The following OXR1 variants were observed in gnomAD, a reference collection of about 807,000 sequenced individuals.
OXR1 encodes oxidation resistance 1, also known as oxidation resistance protein 1.
A neutral mutation model predicts 104.6 loss-of-function variants in OXR1; 41 were observed. The observed-to-expected ratio is 0.39, with a 90% confidence interval of 0.31 to 0.51. The LOEUF is 0.51. OXR1 is among the 20% of genes least tolerant of loss of function. The probability of loss-of-function intolerance (pLI) is 0.77; values close to 1 mark genes in which losing one functional copy is unlikely to be tolerated. For synonymous variants in OXR1, 348 were observed against 348.4 expected, an observed-to-expected ratio of 1.00 and a Z score of 0.01; for missense variants, 955 against 1,031.9, an observed-to-expected ratio of 0.93 and a Z score of 1.02.
intron 15 of OXR1, among the ~76,000 whole-genome samples, chr8:106,744,702 A>AT (rs1835231875): frequency 6.6e-6 from 1 of 152,214 alleles, no homozygotes; most frequent in African/African-American, 2.4e-5. Flanking sequence ...GTATAAATGA[A>AT]TTTTAGTGAA....
chr8:106,568,255 A>T (rs961884021), intron 3 of OXR1, among the ~76,000 whole-genome samples: 3 of 152,162 alleles, frequency 2.0e-5, no homozygotes, highest in African/African-American at 7.2e-5. Flanking sequence ...ATTTGGAAAA[A>T]AATGGAGAAC....
At chr8:106,577,378 C>CTTTTTTT (rs5893798) in intron 3 of OXR1, among the ~76,000 whole-genome samples, 2 of 43,604 alleles carry the variant, frequency 4.6e-5, no homozygotes, top group African/African-American at 9.6e-5. Flanking sequence ...GCCCAGCTAA[C>CTTTTTTT]TTTTTTTTTT....
intron 2 of OXR1, among the ~76,000 whole-genome samples, chr8:106,482,684 A>C (rs1343335931): frequency 1.3e-5 from 2 of 152,076 alleles, no homozygotes; most frequent in African/African-American, 2.4e-5. Flanking sequence ...AGCATCAGAT[A>C]TCCATAGACT....
intron 2 of OXR1, among the ~76,000 whole-genome samples, chr8:106,493,431 C>T (rs971517065): frequency 2.6e-5 from 4 of 152,070 alleles, no homozygotes; most frequent in Non-Finnish European, 5.9e-5. Flanking sequence ...GGTCTATGGA[C>T]CATCTGAAAC....
intron 2 of OXR1, among the ~76,000 whole-genome samples, chr8:106,506,384 T>C (rs933611717): frequency 2.6e-5 from 4 of 152,172 alleles, no homozygotes; most frequent in South Asian, 2.1e-4. Flanking sequence ...GAGGCCAAGG[T>C]GGGCGGATCA....
At chr8:106,730,699 A>G (rs1272077011) in intron 11 of OXR1, among the ~76,000 whole-genome samples, 2 of 152,138 alleles carry the variant, frequency 1.3e-5, no homozygotes. Flanking sequence ...TTTTAGATGT[A>G]GATTTTGTGT....
intron 2 of OXR1, among the ~76,000 whole-genome samples, chr8:106,400,817 A>G (rs555344836): frequency 2.6e-5 from 4 of 152,278 alleles, no homozygotes; most frequent in East Asian, 3.9e-4. Context: ...AAATATCACA[A>G]TTCTGCTGGG....
At chr8:106,564,370 A>G (rs1051222789) in intron 3 of OXR1, among the ~76,000 whole-genome samples, 5 of 152,156 alleles carry the variant, frequency 3.3e-5, no homozygotes, top group African/African-American at 4.8e-5. Flanking sequence ...ACGCAAATAA[A>G]CTAGAAAATC....
chr8:106,436,842 G>C (rs951842908), intron 2 of OXR1, among the ~76,000 whole-genome samples: 2 of 152,110 alleles, frequency 1.3e-5, no homozygotes, highest in Non-Finnish European at 2.9e-5. Flanking sequence ...TTCTGGAATT[G>C]AGTGTCATTT....
chr8:106,751,600 A>G lies in OXR1; in HGVS notation c.*659A>G, dbSNP rs28924708. ...GTACATATGATCTGCAGGTTTGGGC[A>G]TATGCTTTCATCATTAAATTATCTG... On this transcript the variant is annotated 3_prime_UTR_variant, in exon 17 of 17. Coordinates refer to ENST00000517566, the MANE Select transcript of OXR1 (RefSeq NM_001198533.2). 2,626 of 152,690 alleles carry G rather than the reference A, an allele frequency of 0.017. 31 individuals are homozygous for G. The highest frequency in any genetic ancestry group is 0.039 in the East Asian group (202 of 5,182). 9.5% of individuals were successfully genotyped at this position (152,690 alleles called of 1,614,324 possible). A position where few individuals can be genotyped will look rare whatever the true frequency, so the allele number is the denominator to read the frequency against.
intron 2 of OXR1, among the ~76,000 whole-genome samples, chr8:106,413,554 T>A (rs1391737156): frequency 6.6e-6 from 1 of 152,126 alleles, no homozygotes; most frequent in African/African-American, 2.4e-5. Flanking sequence ...AGACTTTTAG[T>A]AGGTTAAGGG....
chr8:106,561,327 G>A (rs1235944911), intron 3 of OXR1, among the ~76,000 whole-genome samples: 1 of 152,110 alleles, frequency 6.6e-6, no homozygotes, highest in African/African-American at 2.4e-5. Flanking sequence ...TGAGTAGGCT[G>A]TTTTCCCCTC....
At chr8:106,306,641 C>A (rs143327326) in intron 1 of OXR1, among the ~76,000 whole-genome samples, 9 of 152,170 alleles carry the variant, frequency 5.9e-5, no homozygotes, top group Non-Finnish European at 1.3e-4. Context: ...GTCTCCATGA[C>A]TTTACTTTGA....
chr8:106,402,004 G>A (rs1384178438), intron 2 of OXR1, among the ~76,000 whole-genome samples: 4 of 152,080 alleles, frequency 2.6e-5, no homozygotes, highest in South Asian at 4.1e-4. Context: ...AAAAGCAAAC[G>A]GCTTCTGGTA....
rs1835750741 is a variant in OXR1, at chr8:106,750,136, A to G, written c.2487-670A>G. Among the ~76,000 whole-genome samples the G allele has an allele frequency of 2.7e-5, 4 of 148,388 alleles. No individual in the cohort carries two copies. In the South Asian group the frequency reaches 8.6e-4, roughly 32 times the overall value. ...GTTAAATATGTTAAAACCATACCGA[A>G]AAGATAAACACACACATACACAAAA... On this transcript the variant is annotated intron_variant, in intron 16 of 16. Transcript: ENST00000517566.
At chr8:106,526,743 C>T (rs1018939511) in intron 3 of OXR1, among the ~76,000 whole-genome samples, 2 of 152,200 alleles carry the variant, frequency 1.3e-5, no homozygotes, top group Non-Finnish European at 2.9e-5. Context: ...CAGGTTTTCA[C>T]TGTGTTAGCC....
At chr8:106,324,988 T>A (rs1424243834) in intron 1 of OXR1, among the ~76,000 whole-genome samples, 1 of 152,192 alleles carries the variant, frequency 6.6e-6, no homozygotes, top group African/African-American at 2.4e-5. Flanking sequence ...AATCTTTTCA[T>A]AATTCCTGCT....
chr8:106,371,125 CT>C (rs1268660562), intron 2 of OXR1, among the ~76,000 whole-genome samples: 1 of 151,706 alleles, frequency 6.6e-6, no homozygotes, highest in Non-Finnish European at 1.5e-5. Context: ...CTGGTTTAGT[CT>C]TGGTAGCATG....
intron 3 of OXR1, among the ~76,000 whole-genome samples, chr8:106,561,870 C>A (rs1816707994): frequency 6.6e-6 from 1 of 152,106 alleles, no homozygotes; most frequent in African/African-American, 2.4e-5. Context: ...CTCCAGTAGA[C>A]CTGCAGCAGA....
Sources: allele counts gnomAD v4.1 joint callset (sites outside exome capture counted in the v4.1 genomes callset), GRCh38; gene constraint gnomAD v4.1.1; transcripts MANE v1.5; gene names NCBI Gene and HGNC (gene_info 2026-07-23, HGNC 2026-07-21).